Variants in HEATR5B observed in about 807,000 individuals in gnomAD.
HEATR5B encodes HEAT repeat containing 5B.
A neutral mutation model predicts 224.1 loss-of-function variants in HEATR5B; 156 were observed. The ratio of observed to expected loss-of-function variants is 0.70; its 90% CI spans 0.61 to 0.80. HEATR5B has a LOEUF of 0.80. Ranked by LOEUF, HEATR5B falls within the 30% of genes least tolerant of loss-of-function variation. HEATR5B has a pLI of 0.00. For missense variants in HEATR5B, 2,323 were observed against 2,535.5 expected, an observed-to-expected ratio of 0.92 and a Z score of 1.80; for synonymous variants, 1,027 against 893.0, an observed-to-expected ratio of 1.15 and a Z score of -2.68.
At chr2:37,065,994 C>T in intron 8 of HEATR5B, 84 bp from the exon 9 acceptor site, 1 of 1,235,736 alleles carries the variant, frequency 8.1e-7, no homozygotes, top group Non-Finnish European at 1.1e-6. Flanking sequence ...ATGATTTTAG[C>T]CATACCAGTT....
intron 10 of HEATR5B, among the ~76,000 whole-genome samples, chr2:37,062,819 ACT>A (rs1342763951): frequency 6.6e-6 from 1 of 152,038 alleles, no homozygotes; most frequent in East Asian, 1.9e-4. Context: ...ACAGGGTTTC[ACT>A]CTGTCACCCA....
intron 12 of HEATR5B, 108 bp from the exon 13 acceptor site, chr2:37,059,095 C>CT: frequency 5.2e-6 from 3 of 574,672 alleles, no homozygotes; most frequent in Non-Finnish European, 8.7e-6. Context: ...ATTATTATAA[C>CT]GTATAAGGTT....
At chr2:37,041,083 T>C in intron 19 of HEATR5B, 50 bp downstream of exon 19, 1 of 1,486,324 alleles carries the variant, frequency 6.7e-7, no homozygotes, top group Non-Finnish European at 9.3e-7. Flanking sequence ...CAAATAATTT[T>C]CCAAAAAATT....
chr2:37,010,893 G>C (rs1667743452), intron 27 of HEATR5B, among the ~76,000 whole-genome samples: 2 of 149,366 alleles, frequency 1.3e-5, no homozygotes, highest in Non-Finnish European at 3.0e-5. Context: ...ATTTGTTATT[G>C]TTCTAGGACT....
intron 26 of HEATR5B, among the ~76,000 whole-genome samples, chr2:37,019,205 C>A (rs1450826075): frequency 1.3e-5 from 2 of 151,312 alleles, no homozygotes; most frequent in African/African-American, 4.9e-5. Flanking sequence ...TTTTGTGAGT[C>A]TCTGCAGATA....
At chr2:37,077,743 A>G (rs1367115887) in intron 3 of HEATR5B, among the ~76,000 whole-genome samples, 1 of 152,190 alleles carries the variant, frequency 6.6e-6, no homozygotes, top group Admixed American at 6.5e-5. Flanking sequence ...TTGTAACTTG[A>G]CCATTTTATA....
chr2:37,040,786 A>T (rs1669822680), intron 19 of HEATR5B, among the ~76,000 whole-genome samples: 1 of 152,140 alleles, frequency 6.6e-6, no homozygotes, highest in Middle Eastern at 3.2e-3. Context: ...CCCAGGACCT[A>T]CGTTGGGGTA....
intron 10 of HEATR5B, among the ~76,000 whole-genome samples, chr2:37,063,545 G>A (rs1671411740): frequency 6.6e-6 from 1 of 152,086 alleles, no homozygotes; most frequent in African/African-American, 2.4e-5. Flanking sequence ...TGGGGAAGAT[G>A]GAAAGTCTGA....
intron 33 of HEATR5B, 87 bp from the exon 34 acceptor site, chr2:36,990,886 T>C: frequency 8.6e-7 from 1 of 1,158,348 alleles, no homozygotes; most frequent in Non-Finnish European, 1.2e-6. Flanking sequence ...GACGTTGTCT[T>C]GCCATGTTGT....
At chr2:37,083,189 A>T in intron 2 of HEATR5B, 100 bp downstream of exon 2, 1 of 1,322,038 alleles carries the variant, frequency 7.6e-7, no homozygotes, top group Non-Finnish European at 1.1e-6. Context: ...TCCATAAGTG[A>T]CCCATAAACC....
At chr2:37,006,126 T>G (rs561422219) in intron 29 of HEATR5B, among the ~76,000 whole-genome samples, 205 of 151,924 alleles carry the variant, frequency 1.3e-3, no homozygotes, top group Non-Finnish European at 2.5e-3. Flanking sequence ...TTTTCATGCA[T>G]ACAAAGTTTT....
intron 8 of HEATR5B, among the ~76,000 whole-genome samples, chr2:37,068,207 G>T (rs1297155753): frequency 3.3e-5 from 5 of 152,096 alleles, no homozygotes; most frequent in South Asian, 2.1e-4. Flanking sequence ...TTTTAGAAAA[G>T]AATTTCTTGT....
At chr2:37,078,345 T>G (rs1027087346) in intron 3 of HEATR5B, among the ~76,000 whole-genome samples, 1 of 152,206 alleles carries the variant, frequency 6.6e-6, no homozygotes, top group Non-Finnish European at 1.5e-5. Context: ...AAATTTAAAA[T>G]GACTGGCATC....
chr2:37,052,713 G>C (rs564927173), intron 17 of HEATR5B, among the ~76,000 whole-genome samples: 1 of 152,326 alleles, frequency 6.6e-6, no homozygotes, highest in East Asian at 1.9e-4. Context: ...CATAGGTGCT[G>C]CCACACTGCA....
Position 36,981,390 on chromosome 2 carries a change from A to T in HEATR5B, c.*100T>A. 1 of 857,172 alleles carries T rather than the reference A, an allele frequency of 1.2e-6. No homozygotes were observed. Among genetic ancestry groups the T allele is most frequent in the African/African-American group, 1.7e-5 (1 of 58,302 alleles). The allele number at this position is 857,172 out of a possible 1,614,324, so 53.1% of individuals were successfully genotyped here. Reference sequence around the variant, plus strand: ...CTTGGAAGCACTATAATACCAATATACAAATAAAACAGAACCCATAGGTAG... The same window carrying T: ...CTTGGAAGCACTATAATACCAATATTCAAATAAAACAGAACCCATAGGTAG... On this transcript the variant is annotated 3_prime_UTR_variant, in exon 36 of 36. Transcript: ENST00000233099.
In HEATR5B at chr2:37,064,997, A is replaced by C; in HGVS notation, c.1334-7T>G. ...GTCACAATCTCCAAAAGCCCTAAAC[A>C]AGAAATACTCAAAATATTACTCTTT... On this transcript the variant is annotated splice_polypyrimidine_tract_variant and splice_region_variant and intron_variant, in intron 9 of 35. Transcript: ENST00000233099. The C allele has an allele frequency of 6.2e-7, 1 of 1,612,784 alleles. No homozygotes were observed. Among genetic ancestry groups the C allele is most frequent in the South Asian group, 1.1e-5 (1 of 91,040 alleles).
intron 2 of HEATR5B, among the ~76,000 whole-genome samples, chr2:37,081,140 G>C (rs1672538798): frequency 1.3e-5 from 2 of 152,166 alleles, no homozygotes; most frequent in Non-Finnish European, 2.9e-5. Context: ...TGCTGTTTCA[G>C]TGGAGTGGAA....
At chr2:37,071,841 T>C (rs1372052118) in intron 6 of HEATR5B, among the ~76,000 whole-genome samples, 1 of 152,076 alleles carries the variant, frequency 6.6e-6, no homozygotes, top group African/African-American at 2.4e-5. Context: ...CATGACACCA[T>C]GCCTGGCTAA....
chr2:37,031,434 CTTTT>C (rs35877706), intron 22 of HEATR5B, among the ~76,000 whole-genome samples: 5 of 126,002 alleles, frequency 4.0e-5, no homozygotes, highest in Non-Finnish European at 7.1e-5. Context: ...TCTTTTCTTT[CTTTT>C]TTTTTTTTTT....
Sources: allele counts gnomAD v4.1 joint callset (sites outside exome capture counted in the v4.1 genomes callset), GRCh38; gene constraint gnomAD v4.1.1; transcripts MANE v1.5; gene names NCBI Gene and HGNC (gene_info 2026-07-23, HGNC 2026-07-21).